GGA1: variants seen among roughly 807,000 people sequenced by gnomAD.
GGA1 encodes golgi associated, gamma adaptin ear containing, ARF binding protein 1, also known as ADP-ribosylation factor-binding protein GGA1.
A neutral mutation model predicts 76.9 loss-of-function variants in GGA1; 18 were observed. That is an observed-to-expected ratio of 0.23 (90% CI 0.16 to 0.35). GGA1 has a LOEUF of 0.35. Ranked by LOEUF, GGA1 falls within the 10% of genes least tolerant of loss-of-function variation. The probability of loss-of-function intolerance (pLI) is 1.00; values close to 1 mark genes in which losing one functional copy is unlikely to be tolerated. For missense variants in GGA1, 755 were observed against 859.0 expected (o/e 0.88, Z 1.51); for synonymous variants, 342 against 354.7 (o/e 0.96, Z 0.40).
chr22:37,623,700 C>A lies in GGA1; in HGVS notation c.832+67C>A. ...CCTCCACCTCCTGCCCCCACCTCCC[C>A]CAGGCCCTGCTAAGTATCTGCAGTT... On this transcript the variant is annotated intron_variant, in intron 9 of 16. Transcript: ENST00000343632. The surrounding 1 kb of genome is among the most constrained non-coding windows in gnomAD (Gnocchi z 4.6). 1 of 1,118,676 alleles carries A rather than the reference C, an allele frequency of 8.9e-7. No homozygotes were observed. The highest frequency in any genetic ancestry group is 1.4e-5 in the South Asian group (1 of 73,700). 69.3% of individuals were successfully genotyped at this position (1,118,676 alleles called of 1,614,324 possible).
intron 1 of GGA1, chr22:37,609,413 T>A: frequency 1.3e-6 from 1 of 798,342 alleles, no homozygotes; most frequent in Non-Finnish European, 1.6e-6. Context: ...CACTGCCCCA[T>A]TTGATTCCTC....
rs550207959 is a variant in GGA1, at chr22:37,615,960, C to T, written c.129-962C>T. On this transcript the variant is annotated intron_variant, in intron 2 of 16. Coordinates refer to ENST00000343632, the MANE Select transcript of GGA1 (RefSeq NM_013365.5). ...GGTTCACGCGGTTCTCCTGCCTCAG[C>T]CTCCCCAGCAGCTGGGACTACAGGC... is the stretch of plus-strand genomic sequence containing the variant. 5.3e-4 allele frequency among the ~76,000 whole-genome samples: 80 copies of T among 151,948 alleles called. No homozygotes were observed. The South Asian group carries it at 0.016, about 30-fold the overall frequency.
intron 7 of GGA1, 105 bp downstream of exon 7, chr22:37,621,801 G>A: frequency 1.4e-6 from 1 of 715,460 alleles, no homozygotes; most frequent in Non-Finnish European, 2.3e-6. Context: ...GCCCTGCAGT[G>A]ACCCGGGCTG....
intron 14 of GGA1, among the ~76,000 whole-genome samples, chr22:37,631,501 C>T (rs1931793393): frequency 6.6e-6 from 1 of 152,152 alleles, no homozygotes; most frequent in African/African-American, 2.4e-5. Context: ...CAGCCCCGGG[C>T]CCCAAGCAGA....
intron 1 of GGA1, among the ~76,000 whole-genome samples, chr22:37,613,635 G>A (rs1291304837): frequency 1.3e-5 from 2 of 151,688 alleles, no homozygotes; most frequent in Non-Finnish European, 1.5e-5. Flanking sequence ...TCCTGACCTC[G>A]TGATCCACCC....
chr22:37,611,980 C>CCT, intron 1 of GGA1, among the ~76,000 whole-genome samples: 1 of 151,612 alleles, frequency 6.6e-6, no homozygotes, highest in Non-Finnish European at 1.5e-5. Context: ...GGTGAAATTC[C>CCT]ATCTCTACCA....
In GGA1 at chr22:37,624,954, T is replaced by C; in HGVS notation, c.833-15T>C. On this transcript the variant is annotated splice_polypyrimidine_tract_variant and intron_variant, in intron 9 of 16. Coordinates refer to ENST00000343632, the MANE Select transcript of GGA1 (RefSeq NM_013365.5). This position sits in a 1 kb window ranked among gnomAD's most constrained non-coding sequence, Gnocchi z 4.3. Reference sequence around the variant, plus strand: ...CAGTCCTTCAGCCTGGCCTCTCCCCTCCTGCCTGTTCCAGCGGAGATCCTG... The same window carrying C: ...CAGTCCTTCAGCCTGGCCTCTCCCCCCCTGCCTGTTCCAGCGGAGATCCTG... 1 of 1,566,876 alleles carries C rather than the reference T, an allele frequency of 6.4e-7. No individual in the cohort carries two copies. Among genetic ancestry groups the C allele is most frequent in the Non-Finnish European group, 8.7e-7 (1 of 1,155,942 alleles).
rs751277724 is a variant in GGA1, at chr22:37,632,705, C to T, written c.1914C>T (p.Ser638=). Reference sequence around the variant, plus strand: ...TCCCCCCACCTGAAACCTGGGGTAGCCTCTAGAACAGAGGGGCTGGGGAGA... The same window carrying T: ...TCCCCCCACCTGAAACCTGGGGTAGTCTCTAGAACAGAGGGGCTGGGGAGA... ...DQFPPPETWG[S]L Residue 638 remains serine, a synonymous_variant, in exon 17 of 17, where the codon AGC becomes AGT. Transcript: ENST00000343632. The surrounding 1 kb of genome is among the most constrained non-coding windows in gnomAD (Gnocchi z 5.1). The T allele has an allele frequency of 1.9e-6, 3 of 1,577,804 alleles. No homozygotes were observed. In the Admixed American group the frequency reaches 5.1e-5, roughly 27 times the overall value.
chr22:37,628,329 C>G (rs140988198), intron 11 of GGA1, among the ~76,000 whole-genome samples: 2 of 152,144 alleles, frequency 1.3e-5, no homozygotes, highest in Non-Finnish European at 1.5e-5. Context: ...TCCCAAATAG[C>G]TGGGATTACA....
At chr22:37,619,212 C>T (rs905333617) in intron 4 of GGA1, among the ~76,000 whole-genome samples, 1 of 152,012 alleles carries the variant, frequency 6.6e-6, no homozygotes, top group Non-Finnish European at 1.5e-5. Context: ...ATTGCAGGTG[C>T]ACGCCACCAT....
At position 37,631,899 on chromosome 22, in the gene GGA1, C is replaced by T. The variant is rs963618056; in HGVS notation, c.1529-97C>T. On this transcript the variant is annotated intron_variant, in intron 14 of 16. Coordinates refer to ENST00000343632, the MANE Select transcript of GGA1 (RefSeq NM_013365.5). The stretch of plus-strand genomic sequence containing the variant: ...GAGGACTTTGCTCTTGTTGCCAGTA[C>T]AGCAGCCAGCTCCTGAGGCCAGCCG... 4 of 1,044,060 alleles carry T rather than the reference C, an allele frequency of 3.8e-6. No individual in the cohort carries two copies. In the South Asian group the frequency reaches 4.5e-5, roughly 12 times the overall value. 64.7% of individuals were successfully genotyped at this position (1,044,060 alleles called of 1,614,324 possible).
At chr22:37,631,930 G>C in intron 14 of GGA1, 66 bp from the exon 15 acceptor site, 1 of 1,431,066 alleles carries the variant, frequency 7.0e-7, no homozygotes, top group Non-Finnish European at 9.6e-7. Flanking sequence ...AGCCGGGTGG[G>C]GGCTGGGGGC....
In GGA1 at chr22:37,623,371, C is replaced by T. The variant is rs1056469472; in HGVS notation, c.654C>T (p.Ile218=). ...MEKISKRVNA[I]EEVNNNVKLL... The stretch of plus-strand genomic sequence containing the variant: ...AGATCTCGAAGAGGGTGAATGCCAT[C>T]GAGGAGGTGAACAACAATGTGAAAC... The change falls in exon 8 of 17, where the codon ATC becomes ATT. Residue 218 remains isoleucine, a synonymous_variant. Transcript: ENST00000343632. This position sits in a 1 kb window ranked among gnomAD's most constrained non-coding sequence, Gnocchi z 4.6. The T allele has an allele frequency of 6.2e-6, 10 of 1,613,678 alleles. No homozygotes were observed. Among genetic ancestry groups the T allele is most frequent in the African/African-American group, 4.0e-5 (3 of 74,916 alleles).
At chr22:37,614,149 C>A in intron 1 of GGA1, 41 bp from the exon 2 acceptor site, 1 of 1,351,584 alleles carries the variant, frequency 7.4e-7, no homozygotes, top group Non-Finnish European at 1.1e-6. Flanking sequence ...GAGCAGGAAT[C>A]CCACTGCCGG....
At chr22:37,618,252 C>G (rs1431754892) in intron 3 of GGA1, 196 bp from the exon 4 acceptor site, 2 of 565,090 alleles carry the variant, frequency 3.5e-6, no homozygotes, top group Non-Finnish European at 6.4e-6. Context: ...GTATGTAGGT[C>G]GCCTGACCCT....
chr22:37,631,947 G>T (rs770902682), intron 14 of GGA1, 49 bp from the exon 15 acceptor site: 3 of 1,538,962 alleles, frequency 1.9e-6, no homozygotes, highest in Non-Finnish European at 2.7e-6. Flanking sequence ...GGGCTGAGCG[G>T]ATGTGCTGCA....
At chr22:37,631,129 G>T in intron 14 of GGA1, 30 bp downstream of exon 14, 1 of 1,486,072 alleles carries the variant, frequency 6.7e-7, no homozygotes, top group Admixed American at 2.4e-5. Context: ...GTGCAGGCTG[G>T]GTTGGGTCAG....
intron 12 of GGA1, 22 bp downstream of exon 12, chr22:37,629,548 G>C: frequency 1.3e-6 from 2 of 1,481,856 alleles, no homozygotes; most frequent in African/African-American, 1.4e-5. Context: ...CCACAAACTA[G>C]TCTGGCCTGT....
In GGA1 at chr22:37,632,581, C is replaced by T. The variant is rs1601568538; in HGVS notation, c.1810-20C>T. 6.3e-7 allele frequency: 1 copy of T among 1,597,854 alleles called. No homozygotes were observed. Among genetic ancestry groups the T allele is most frequent in the Non-Finnish European group, 8.6e-7 (1 of 1,165,326 alleles). ...ACTTCTCCTCCTCTGACCCCTCTGC[C>T]TTTGCCATCTCTTCCCCAGGAGAAG... On this transcript the variant is annotated intron_variant, in intron 16 of 16. Transcript: ENST00000343632. The surrounding 1 kb of genome is among the most constrained non-coding windows in gnomAD (Gnocchi z 5.1).
Sources: allele counts gnomAD v4.1 joint callset (sites outside exome capture counted in the v4.1 genomes callset), GRCh38; gene constraint gnomAD v4.1.1; non-coding constraint Gnocchi (gnomAD v3.1); transcripts MANE v1.5; gene names NCBI Gene and HGNC (gene_info 2026-07-23, HGNC 2026-07-21).